KCNH1: variants seen among roughly 807,000 people sequenced by gnomAD.
The protein encoded by KCNH1 is potassium voltage-gated channel subfamily H member 1.
A neutral mutation model predicts 69.2 loss-of-function variants in KCNH1; 27 were observed. The ratio of observed to expected loss-of-function variants is 0.39; its 90% confidence interval spans 0.29 to 0.54. The LOEUF (loss-of-function observed/expected upper bound fraction) is 0.54, where lower values mean the gene tolerates loss of function less well. Ranked by LOEUF, KCNH1 falls within the 20% of genes least tolerant of loss-of-function variation. KCNH1 has a pLI of 0.68. For synonymous variants in KCNH1, 456 were observed against 487.7 expected (o/e 0.93, Z 0.86); for missense variants, 798 against 1,261.6 (o/e 0.63, Z 5.57).
intron 6 of KCNH1, among the ~76,000 whole-genome samples, chr1:210,932,360 C>A (rs1574345892): frequency 6.6e-6 from 1 of 152,030 alleles, no homozygotes. Context: ...ACTGGCTGGG[C>A]AGATATACAA....
At chr1:210,718,331 AATATATGT>A (rs1301905724) in intron 10 of KCNH1, among the ~76,000 whole-genome samples, 6 of 125,936 alleles carry the variant, frequency 4.8e-5, no homozygotes, top group African/African-American at 1.5e-4. Context: ...AATATATATA[AATATATGT>A]ATATATGTAT....
intron 4 of KCNH1, among the ~76,000 whole-genome samples, chr1:211,087,664 C>T (rs1303545598): frequency 6.6e-6 from 1 of 150,520 alleles, no homozygotes; most frequent in African/African-American, 2.4e-5. Context: ...CACACACACA[C>T]CCCAGAGCTG....
At chr1:210,997,941 C>T (rs905133811) in intron 6 of KCNH1, among the ~76,000 whole-genome samples, 1 of 152,110 alleles carries the variant, frequency 6.6e-6, no homozygotes, top group Admixed American at 6.5e-5. Flanking sequence ...GAAATAAAAT[C>T]CTTTACAGAC....
intron 8 of KCNH1, among the ~76,000 whole-genome samples, chr1:210,803,541 A>G (rs1329434667): frequency 6.6e-6 from 1 of 152,236 alleles, no homozygotes; most frequent in Non-Finnish European, 1.5e-5. Flanking sequence ...TAATGCAAAA[A>G]AATCCATGAT....
At chr1:210,981,080 G>A (rs1420704725) in intron 6 of KCNH1, among the ~76,000 whole-genome samples, 1 of 151,940 alleles carries the variant, frequency 6.6e-6, no homozygotes, top group African/African-American at 2.4e-5. Context: ...TGGCTTTCCA[G>A]AACAAAACCA....
intron 9 of KCNH1, among the ~76,000 whole-genome samples, chr1:210,783,384 A>G (rs1684029203): frequency 6.6e-6 from 1 of 152,198 alleles, no homozygotes; most frequent in Admixed American, 6.5e-5. Context: ...GTGATGGCTT[A>G]GGTAGGTTTC....
intron 7 of KCNH1, among the ~76,000 whole-genome samples, chr1:210,864,174 G>GA (rs141474040): frequency 0.017 from 2,583 of 152,320 alleles, 32 homozygotes; most frequent in Non-Finnish European, 0.024. Flanking sequence ...GATGGTGCTG[G>GA]GGCAGGCTTC....
At chr1:210,743,121 C>A (rs892661100) in intron 10 of KCNH1, among the ~76,000 whole-genome samples, 3 of 152,064 alleles carry the variant, frequency 2.0e-5, no homozygotes, top group Non-Finnish European at 4.4e-5. Flanking sequence ...CTGGCCAAAG[C>A]AAGAGTCATG....
At chr1:211,056,876 G>C (rs1008944667) in intron 5 of KCNH1, among the ~76,000 whole-genome samples, 1 of 152,178 alleles carries the variant, frequency 6.6e-6, no homozygotes, top group Non-Finnish European at 1.5e-5. Context: ...CAAAAACTTA[G>C]TCAAAACACC....
chr1:210,830,725 A>G (rs1685141631), intron 7 of KCNH1, among the ~76,000 whole-genome samples: 1 of 152,208 alleles, frequency 6.6e-6, no homozygotes, highest in African/African-American at 2.4e-5. Flanking sequence ...ACCATAATCT[A>G]TCTCCAGTGA....
At chr1:211,037,645 G>A (rs1689921702) in intron 5 of KCNH1, among the ~76,000 whole-genome samples, 1 of 152,010 alleles carries the variant, frequency 6.6e-6, no homozygotes. Context: ...ACCTTCTCCA[G>A]GACTTCCCAA....
intron 6 of KCNH1, among the ~76,000 whole-genome samples, chr1:210,956,168 T>G (rs985773365): frequency 2.6e-5 from 4 of 152,172 alleles, no homozygotes; most frequent in Non-Finnish European, 5.9e-5. Context: ...AATCGTGTGG[T>G]TTATGTCGTT....
chr1:210,942,381 C>T (rs936180145), intron 6 of KCNH1, among the ~76,000 whole-genome samples: 2 of 152,134 alleles, frequency 1.3e-5, no homozygotes, highest in Non-Finnish European at 2.9e-5. Context: ...CCGAGCTTCA[C>T]ATCTTCACCT....
At chr1:211,075,580 T>G (rs181998646) in intron 5 of KCNH1, among the ~76,000 whole-genome samples, 2 of 152,100 alleles carry the variant, frequency 1.3e-5, no homozygotes, top group African/African-American at 4.8e-5. Flanking sequence ...CCCACCCAGG[T>G]GTAGTTGAAA....
At chr1:211,064,625 G>A (rs997094118) in intron 5 of KCNH1, among the ~76,000 whole-genome samples, 4 of 151,360 alleles carry the variant, frequency 2.6e-5, no homozygotes, top group African/African-American at 7.3e-5. Context: ...TTTTTTAAAT[G>A]TATAAGTATA....
chr1:210,856,958 T>C (rs1376901307), intron 7 of KCNH1, among the ~76,000 whole-genome samples: 1 of 143,772 alleles, frequency 7.0e-6, no homozygotes, highest in African/African-American at 2.5e-5. Context: ...ATAATGGAGG[T>C]CTTGAATCTA....
At chr1:210,765,056 C>G (rs900011101) in intron 10 of KCNH1, among the ~76,000 whole-genome samples, 2 of 152,116 alleles carry the variant, frequency 1.3e-5, no homozygotes, top group African/African-American at 4.8e-5. Context: ...TCCTTTGCAG[C>G]AACATAAATG....
chr1:211,029,368 A>G (rs891473594), intron 5 of KCNH1, among the ~76,000 whole-genome samples: 1 of 127,904 alleles, frequency 7.8e-6, no homozygotes. Context: ...AGGTTGGGGT[A>G]CATTTCAAGA....
intron 6 of KCNH1, among the ~76,000 whole-genome samples, chr1:210,926,083 A>AC (rs1687567269): frequency 6.6e-6 from 1 of 152,166 alleles, no homozygotes; most frequent in African/African-American, 2.4e-5. Flanking sequence ...ACATGGTGAA[A>AC]CCCCATCTCT....
Sources: gnomAD v4.1 joint callset for allele counts (sites outside exome capture counted in the v4.1 genomes callset) on GRCh38, gnomAD v4.1.1 for gene constraint, MANE v1.5 for transcripts, NCBI Gene and HGNC (gene_info 2026-07-23, HGNC 2026-07-21) for gene names.